The following MAGI2 variants were observed in gnomAD, a reference collection of about 807,000 sequenced individuals.
The protein encoded by MAGI2 is membrane associated guanylate kinase, WW and PDZ domain containing 2, also known as membrane-associated guanylate kinase, WW and PDZ domain-containing protein 2.
A neutral mutation model predicts 133.3 loss-of-function variants in MAGI2; 35 were observed. The ratio of observed to expected loss-of-function variants is 0.26; its 90% CI spans 0.20 to 0.35. The LOEUF is 0.35. MAGI2 is among the 10% of genes least tolerant of loss of function. The pLI, the probability that MAGI2 is intolerant of heterozygous loss-of-function variation, is 1.00. For missense variants in MAGI2, 1,636 were observed against 1,863.4 expected, an observed-to-expected ratio of 0.88 and a Z score of 2.25; for synonymous variants, 729 against 710.6, an observed-to-expected ratio of 1.03 and a Z score of -0.41.
intron 20 of MAGI2, among the ~76,000 whole-genome samples, chr7:78,109,540 G>A (rs1446497649): frequency 2.6e-5 from 4 of 151,938 alleles, no homozygotes; most frequent in Non-Finnish European, 4.4e-5. Flanking sequence ...GCTGAGGCAG[G>A]AGAATCAGTT....
At chr7:79,236,052 A>G (rs1371730679) in intron 1 of MAGI2, among the ~76,000 whole-genome samples, 1 of 152,202 alleles carries the variant, frequency 6.6e-6, no homozygotes, top group Non-Finnish European at 1.5e-5. Flanking sequence ...ATGCTATATT[A>G]TATGGTGCTT....
intron 4 of MAGI2, among the ~76,000 whole-genome samples, chr7:78,515,655 C>A (rs1199113387): frequency 6.7e-6 from 1 of 149,450 alleles, no homozygotes; most frequent in Non-Finnish European, 1.5e-5. Flanking sequence ...AATCCCAGCA[C>A]TTTGGGAGGC....
rs1826366888 is a variant in MAGI2, at chr7:79,178,928, T to C, written c.302-171722A>G. 2.0e-5 allele frequency among the ~76,000 whole-genome samples: 3 copies of C among 151,996 alleles called. No individual in the cohort carries two copies. The South Asian group carries it at 6.2e-4, about 31-fold the overall frequency. ...TATTATACTACTAATCCAGCATGTC[T>C]ACATAGTATGAGAGCAATAAGTTTT... On this transcript the variant is annotated intron_variant, in intron 1 of 21. Coordinates refer to ENST00000354212, the MANE Select transcript of MAGI2 (RefSeq NM_012301.4).
At chr7:78,634,887 A>T (rs1196900779) in intron 2 of MAGI2, among the ~76,000 whole-genome samples, 8 of 152,124 alleles carry the variant, frequency 5.3e-5, no homozygotes, top group African/African-American at 1.7e-4. Context: ...AAAGTCCAAA[A>T]TAAGTTTTAT....
chr7:79,452,865 C>T (rs1586041531), intron 1 of MAGI2, 155 bp downstream of exon 1: 2 of 772,006 alleles, frequency 2.6e-6, no homozygotes, highest in South Asian at 2.0e-5. Context: ...AAGTCGAATC[C>T]CCGGCGAAAC....
chr7:78,408,731 A>G (rs1375341318), intron 6 of MAGI2, among the ~76,000 whole-genome samples: 1 of 152,118 alleles, frequency 6.6e-6, no homozygotes, highest in African/African-American at 2.4e-5. Context: ...GATGGAAAGT[A>G]AAATACGTAA....
At chr7:78,354,211 G>C (rs1791827384) in intron 7 of MAGI2, among the ~76,000 whole-genome samples, 1 of 152,132 alleles carries the variant, frequency 6.6e-6, no homozygotes, top group Non-Finnish European at 1.5e-5. Flanking sequence ...TACAAGGAAG[G>C]GTGAGAATAG....
chr7:79,074,346 A>C (rs2129541461), intron 1 of MAGI2, among the ~76,000 whole-genome samples: 1 of 152,330 alleles, frequency 6.6e-6, no homozygotes, highest in African/African-American at 2.4e-5. Context: ...AATTGAACCC[A>C]CAGTGAATTA....
chr7:79,089,362 C>T (rs2215544), intron 1 of MAGI2, among the ~76,000 whole-genome samples: 126,455 of 152,078 alleles, frequency 0.83, 53,081 homozygotes, highest in Non-Finnish European at 0.86. Flanking sequence ...AGTAGGAGTG[C>T]AAATTAGTTC....
chr7:79,426,628 T>G (rs1001628476), intron 1 of MAGI2, among the ~76,000 whole-genome samples: 24 of 152,178 alleles, frequency 1.6e-4, no homozygotes, highest in African/African-American at 5.1e-4. Context: ...CAAAGAACAT[T>G]GGGCATTTAT....
intron 6 of MAGI2, among the ~76,000 whole-genome samples, chr7:78,404,526 C>A (rs1315131107): frequency 6.6e-6 from 1 of 152,138 alleles, no homozygotes; most frequent in Non-Finnish European, 1.5e-5. Flanking sequence ...ATATCTACAA[C>A]CACCTGATCT....
chr7:79,438,654 C>T (rs1032734875), intron 1 of MAGI2, among the ~76,000 whole-genome samples: 28 of 152,076 alleles, frequency 1.8e-4, no homozygotes, highest in African/African-American at 6.5e-4. Flanking sequence ...TTGCCTAGTG[C>T]CTCCCCTTCA....
chr7:78,374,030 T>A (rs1427131411), intron 6 of MAGI2, among the ~76,000 whole-genome samples: 1 of 152,188 alleles, frequency 6.6e-6, no homozygotes, highest in Non-Finnish European at 1.5e-5. Flanking sequence ...TCCATGTCTC[T>A]GCTATTGTAA....
intron 2 of MAGI2, among the ~76,000 whole-genome samples, chr7:78,941,728 TCACACACACA>T (rs3068585): frequency 7.4e-4 from 91 of 123,458 alleles, no homozygotes; most frequent in African/African-American, 1.9e-3. Flanking sequence ...GCCTATTTCA[TCACACACACA>T]CACACACACA....
intron 6 of MAGI2, chr7:78,486,839 G>A: frequency 6.3e-6 from 3 of 475,880 alleles, no homozygotes; most frequent in Non-Finnish European, 1.3e-5. Flanking sequence ...GAGCTCGACA[G>A]AAAGACAGCA....
chr7:79,136,001 A>AAGAAAGAAAGAAAG (rs1821404772), intron 1 of MAGI2, among the ~76,000 whole-genome samples: 1 of 35,770 alleles, frequency 2.8e-5, no homozygotes, highest in African/African-American at 1.0e-4. Flanking sequence ...GAAAGAAAGA[A>AAGAAAGAAAGAAAG]AGAGAAAGAA....
chr7:78,948,953 A>G (rs1016944410), intron 2 of MAGI2, among the ~76,000 whole-genome samples: 12 of 152,206 alleles, frequency 7.9e-5, no homozygotes, highest in South Asian at 2.1e-4. Context: ...TTCTAAAGAG[A>G]AAAAGTTTCA....
intron 7 of MAGI2, among the ~76,000 whole-genome samples, chr7:78,346,945 T>C (rs1040790810): frequency 2.0e-5 from 3 of 152,216 alleles, no homozygotes; most frequent in Non-Finnish European, 4.4e-5. Context: ...ACTTAACTCT[T>C]GGCCAGTTAC....
chr7:78,439,965 T>G (rs117404317), intron 6 of MAGI2, among the ~76,000 whole-genome samples: 117 of 151,860 alleles, frequency 7.7e-4, no homozygotes, highest in African/African-American at 2.8e-3. Flanking sequence ...TTTGGCTATA[T>G]TGGACTAAAT....
Sources: allele counts gnomAD v4.1 joint callset (sites outside exome capture counted in the v4.1 genomes callset), GRCh38; gene constraint gnomAD v4.1.1; transcripts MANE v1.5; gene names NCBI Gene and HGNC (gene_info 2026-07-23, HGNC 2026-07-21).